The following NUP188 variants were observed in gnomAD, a reference collection of about 807,000 sequenced individuals.
NUP188 encodes nucleoporin NUP188.
NUP188 carries 97 observed loss-of-function variants against 223.0 expected under a neutral mutation model. The observed-to-expected ratio is 0.43, with a 90% CI of 0.37 to 0.51. NUP188 has a LOEUF of 0.51. NUP188 is among the 20% of genes least tolerant of loss of function. The pLI, the probability that NUP188 is intolerant of heterozygous loss-of-function variation, is 0.00. For missense variants in NUP188, 1,947 were observed against 2,175.6 expected (o/e 0.89, Z 2.09); for synonymous variants, 869 against 828.0 (o/e 1.05, Z -0.85).
rs753218102 is a variant in NUP188 at position 129,003,383 on chromosome 9, T to G, written c.4363T>G (p.Phe1455Val). The change falls in exon 38 of 44, where the codon TTT (phenylalanine) becomes GTT (valine). Residue 1455 changes from phenylalanine to valine, a missense_variant. Physicochemically the swap from Phe to Val is conservative, Grantham distance 50 (BLOSUM62 -1). Coordinates refer to ENST00000372577, the MANE Select transcript of NUP188 (RefSeq NM_015354.3). ...CLEEADHTVGFILQLSNFMKE... is the reference protein window; with the variant it reads ...CLEEADHTVGVILQLSNFMKE... ...GGAGGAGGCGGACCACACCGTGGGTTTTATTCTGCAGCTCTCTAACTTCAT... is the reference window on the plus strand; with the variant it reads ...GGAGGAGGCGGACCACACCGTGGGTGTTATTCTGCAGCTCTCTAACTTCAT... 9 of 1,613,348 alleles carry G rather than the reference T, an allele frequency of 5.6e-6. No homozygotes were observed. The highest frequency in any genetic ancestry group is 4.2e-6 in the Non-Finnish European group (5 of 1,179,994).
In NUP188 at chr9:128,972,958, A is replaced by G. The variant is rs184970990; in HGVS notation, c.1114-202A>G. ...TAATTCCCTTCTGATTTTATTCTTG[A>G]CTTTGTTGTAATATTTGTGGTTCCT... On this transcript the variant is annotated intron_variant, in intron 11 of 43. Coordinates refer to ENST00000372577, the MANE Select transcript of NUP188 (RefSeq NM_015354.3). 6.3e-4 allele frequency among the ~76,000 whole-genome samples: 96 copies of G among 152,038 alleles called. 1 individual carries two copies. In the East Asian group the frequency reaches 0.01, roughly 16 times the overall value.
At position 128,973,208 on chromosome 9, in the gene NUP188, G is replaced by C. The variant is rs1358137049; in HGVS notation, c.1162G>C (p.Val388Leu). The C allele has an allele frequency of 5.6e-6, 9 of 1,613,518 alleles. No individual in the cohort carries two copies. The highest frequency in any genetic ancestry group is 7.6e-6 in the Non-Finnish European group (9 of 1,179,940). ...GTGTGTCTATGGACTGCTCTCTTTC[G>C]TTCTGACCTCGTTGGAGCTGCACAC... ...CMCVYGLLSF[V>L]LTSLELHTLG... The change falls in exon 12 of 44, where the codon GTT becomes CTT. Residue 388 changes from valine to leucine, a missense_variant. Coordinates refer to ENST00000372577, the MANE Select transcript of NUP188 (RefSeq NM_015354.3).
At chr9:128,979,670 T>A (rs1842228573) in intron 13 of NUP188, among the ~76,000 whole-genome samples, 1 of 152,148 alleles carries the variant, frequency 6.6e-6, no homozygotes, top group Non-Finnish European at 1.5e-5. Flanking sequence ...TCTTGCTCTG[T>A]TGCCCAGGCT....
chr9:128,986,899 G>A (rs765724355), intron 22 of NUP188, 24 bp downstream of exon 22: 1 of 1,607,728 alleles, frequency 6.2e-7, no homozygotes. Context: ...GATTACTAGA[G>A]CTTGGTGCTC....
In NUP188 at chr9:128,994,335, G is replaced by A; in HGVS notation, c.3018-38G>A. On this transcript the variant is annotated intron_variant, in intron 27 of 43. Coordinates refer to ENST00000372577, the MANE Select transcript of NUP188 (RefSeq NM_015354.3). ...GAGAGGAGAAAATGACTGTGAGAGG[G>A]AAAAAGTTATGATTTCAAACATTTA... The A allele has an allele frequency of 2.1e-6, 3 of 1,444,880 alleles. No individual in the cohort carries two copies. In the South Asian group the frequency reaches 3.4e-5, roughly 17 times the overall value. 89.5% of individuals were successfully genotyped at this position (1,444,880 alleles called of 1,614,324 possible).
Position 129,001,611 on chromosome 9 carries a change from G to A in NUP188, c.3926G>A (p.Arg1309Lys). 6.2e-7 allele frequency: 1 copy of A among 1,614,034 alleles called. No homozygotes were observed. The highest frequency in any genetic ancestry group is 8.5e-7 in the Non-Finnish European group (1 of 1,179,994). The change falls in exon 35 of 44, where the codon AGG becomes AAG. Residue 1309 changes from arginine to lysine, a missense_variant. By Grantham distance (26) the Arg-to-Lys change is conservative (BLOSUM62 2). This residue lies in a region of NUP188 where 905 missense variants were observed against 990.6 expected (regional missense o/e 0.91). Coordinates refer to ENST00000372577, the MANE Select transcript of NUP188 (RefSeq NM_015354.3). ...DGDSWLQVTR[R>K]LPILPTLLTT... is the part of the protein sequence containing the mutation. ...GACTCCTGGCTGCAGGTAACCCGCA[G>A]GCTCCCCATCCTACCCACCCTCCTC...
At chr9:128,973,072 A>C in intron 11 of NUP188, 88 bp from the exon 12 acceptor site, 1 of 638,866 alleles carries the variant, frequency 1.6e-6, no homozygotes, top group East Asian at 3.1e-5. Context: ...TTTGTTTACA[A>C]AGAATATATG....
chr9:129,003,980 A>G (rs1842726555), intron 38 of NUP188: 1 of 175,680 alleles, frequency 5.7e-6, no homozygotes, highest in Admixed American at 6.7e-5. Context: ...CCCAAAAAGA[A>G]AAAAAAAAAA....
Position 129,006,754 on chromosome 9 carries a change from G to A in NUP188, c.*76G>A. ...CTGGCTGGCAGGGGTGCTGCTGGCT[G>A]CTAGGGCCTATACAATGGAGGGCAC... On this transcript the variant is annotated 3_prime_UTR_variant, in exon 44 of 44. Transcript: ENST00000372577. 1 of 1,491,058 alleles carries A rather than the reference G, an allele frequency of 6.7e-7. No homozygotes were observed. 92.4% of individuals were successfully genotyped at this position (1,491,058 alleles called of 1,614,324 possible).
rs373068159 is a variant in NUP188, at chr9:128,987,762, C to A, written c.2393+45C>A. 2.5e-6 allele frequency: 4 copies of A among 1,592,830 alleles called. No homozygotes were observed. In the East Asian group the frequency reaches 6.7e-5, roughly 27 times the overall value. ...TTCCCTTTGTCTGTCTTTATTGTGC[C>A]TGCATGTTACTAATAACTCCAGTTT... is the stretch of plus-strand genomic sequence containing the variant. On this transcript the variant is annotated intron_variant, in intron 23 of 43. Transcript: ENST00000372577.
intron 25 of NUP188, 126 bp downstream of exon 25, chr9:128,990,352 G>A: frequency 1.3e-6 from 1 of 762,360 alleles, no homozygotes; most frequent in Non-Finnish European, 2.3e-6. Context: ...CACTTTGGGA[G>A]GCCAAGGTGG....
chr9:128,960,776 C>T (rs1054701491), intron 8 of NUP188, among the ~76,000 whole-genome samples: 3 of 151,922 alleles, frequency 2.0e-5, no homozygotes, highest in Admixed American at 6.6e-5. Context: ...ATGGTAAAAC[C>T]CTGTTTCTAC....
chr9:128,954,828 G>A (rs1375934312), intron 3 of NUP188, among the ~76,000 whole-genome samples: 1 of 151,040 alleles, frequency 6.6e-6, no homozygotes, highest in Non-Finnish European at 1.5e-5. Flanking sequence ...GAGTTTTTGG[G>A]AAAAATACAC....
intron 12 of NUP188, among the ~76,000 whole-genome samples, chr9:128,974,240 A>G (rs1842140004): frequency 1.3e-5 from 2 of 151,876 alleles, no homozygotes; most frequent in Admixed American, 6.6e-5. Context: ...ACCAGGTCTC[A>G]GTATATTGCC....
intron 27 of NUP188, among the ~76,000 whole-genome samples, 154 bp downstream of exon 27, chr9:128,993,848 T>C (rs17485590): frequency 0.011 from 1,609 of 152,320 alleles, 33 homozygotes; most frequent in African/African-American, 0.037. Context: ...ATTCTCTTTC[T>C]AATGCTGCTG....
In NUP188 at chr9:128,979,365, A is replaced by G. The variant is rs1274505482; in HGVS notation, c.1269+38A>G. On this transcript the variant is annotated intron_variant, in intron 13 of 43. Transcript: ENST00000372577. Reference sequence around the variant, plus strand: ...GAGAGAGTCACTGCATAGCAAAAGAATTGTTCAAACACTTGTTTTCTTACA... The same window carrying G: ...GAGAGAGTCACTGCATAGCAAAAGAGTTGTTCAAACACTTGTTTTCTTACA... 5.5e-6 allele frequency: 8 copies of G among 1,462,406 alleles called. No homozygotes were observed. The South Asian group carries it at 7.0e-5, about 13-fold the overall frequency. 90.6% of individuals were successfully genotyped at this position (1,462,406 alleles called of 1,614,324 possible). A position where few individuals can be genotyped will look rare whatever the true frequency, so the allele number is the denominator to read the frequency against.
chr9:128,964,056 C>T (rs886676323), intron 8 of NUP188, among the ~76,000 whole-genome samples: 1 of 152,034 alleles, frequency 6.6e-6, no homozygotes, highest in African/African-American at 2.4e-5. Context: ...CCTTGTGATC[C>T]ACCCGCCTAG....
intron 12 of NUP188, 26 bp downstream of exon 12, chr9:128,973,275 G>C (rs200372840): frequency 5.1e-6 from 8 of 1,559,042 alleles, no homozygotes; most frequent in Non-Finnish European, 6.2e-6. Context: ...TCATGAAGCT[G>C]TCTCTACTGC....
chr9:128,986,976 T>C, intron 22 of NUP188, 101 bp downstream of exon 22: 1 of 1,020,248 alleles, frequency 9.8e-7, no homozygotes, highest in South Asian at 1.4e-5. Context: ...TTTACCTTGC[T>C]TGAGCCCAGA....
Sources: allele counts gnomAD v4.1 joint callset (sites outside exome capture counted in the v4.1 genomes callset), GRCh38; gene constraint gnomAD v4.1.1; regional missense constraint gnomAD v4.1.1; transcripts MANE v1.5; gene names NCBI Gene and HGNC (gene_info 2026-07-23, HGNC 2026-07-21).